Variants in TPM4 observed in about 807,000 individuals in gnomAD.
The protein encoded by TPM4 is tropomyosin alpha-4 chain.
Under a neutral mutation model 35.8 loss-of-function variants are expected in TPM4, and 17 were observed. That is an observed-to-expected ratio of 0.47 (90% CI 0.32 to 0.71). The LOEUF (loss-of-function observed/expected upper bound fraction) is 0.71, where lower values mean the gene tolerates loss of function less well. Among genes scored for constraint, TPM4 ranks in the 30% least tolerant of loss-of-function variants. TPM4 has a pLI of 0.03. For synonymous variants in TPM4, 120 were observed against 122.9 expected (o/e 0.98, Z 0.15); for missense variants, 240 against 320.9 (o/e 0.75, Z 1.93).
In TPM4 at chr19:16,069,721, C is replaced by A. The variant is rs913119311; in HGVS notation, c.114+1983C>A. Among the ~76,000 whole-genome samples, 35 of 92,370 alleles carry A rather than the reference C, an allele frequency of 3.8e-4. 1 individual carries two copies. The highest frequency in any genetic ancestry group is 1.4e-3 in the African/African-American group (35 of 24,840). The allele number at this position is 92,370 out of a possible 152,430, so 60.6% of individuals were successfully genotyped here. On this transcript the variant is annotated intron_variant, in intron 2 of 2. Coordinates refer to the TPM4 transcript ENST00000589897. ...ATAAGTGTGTGTTTTTATGGGGTTG[C>A]GTGTATGAGTGTGTTTCTATTGGGG...
chr19:16,075,615 G>A (rs568415000), upstream of TPM4: 95 of 158,926 alleles, frequency 6.0e-4, 1 homozygote, highest in Admixed American at 4.6e-3. Context: ...CTCTGACCCC[G>A]TGTTGGGGTC....
chr19:16,096,788 G>C (rs988126875), intron 7 of TPM4, among the ~76,000 whole-genome samples: 2 of 152,096 alleles, frequency 1.3e-5, no homozygotes, highest in African/African-American at 4.8e-5. Flanking sequence ...AGAATTGCCT[G>C]AGACTGCTAA....
rs2090346598 is a variant in TPM4 at position 16,070,547 on chromosome 19, G to C, written c.114+2809G>C. Among the ~76,000 whole-genome samples the C allele has an allele frequency of 6.6e-6, 1 of 152,190 alleles. No individual in the cohort carries two copies. The highest frequency in any genetic ancestry group is 2.4e-5 in the African/African-American group (1 of 41,434). On this transcript the variant is annotated intron_variant, in intron 2 of 2. Coordinates refer to the TPM4 transcript ENST00000589897. The surrounding 1 kb of genome is among the most constrained non-coding windows in gnomAD (Gnocchi z 7.4). ...CTCGGAGCTCAGACTGGCCATGTTT[G>C]AGTCATGGCTCAGTCGCTAGGTGTC... is the stretch of plus-strand genomic sequence containing the variant.
chr19:16,076,401 G>A, upstream of TPM4: 1 of 1,377,590 alleles, frequency 7.3e-7, no homozygotes, highest in Non-Finnish European at 9.3e-7. Context: ...CCGGCCGGGT[G>A]ACCTCATCGC....
At chr19:16,093,833 G>A (rs1042778318) in intron 7 of TPM4, 80 bp downstream of exon 7, 9 of 1,533,838 alleles carry the variant, frequency 5.9e-6, no homozygotes, top group East Asian at 4.5e-5. Flanking sequence ...GGGAATGTTT[G>A]TGGAGGGGCT....
At position 16,070,499 on chromosome 19, in the gene TPM4, A is replaced by G. The variant is rs1214367046; in HGVS notation, c.114+2761A>G. Among the ~76,000 whole-genome samples, 1 of 149,438 alleles carries G rather than the reference A, an allele frequency of 6.7e-6. No homozygotes were observed. The highest frequency in any genetic ancestry group is 1.9e-4 in the East Asian group (1 of 5,198). ...CCCCACCCAGGCCAGGAGCCAGGCCAGCCCGGCAGCTAAAGGCGAAAGCTC... is the reference window on the plus strand; with the variant it reads ...CCCCACCCAGGCCAGGAGCCAGGCCGGCCCGGCAGCTAAAGGCGAAAGCTC... On this transcript the variant is annotated intron_variant, in intron 2 of 2. Coordinates refer to the TPM4 transcript ENST00000589897. The surrounding 1 kb of genome is among the most constrained non-coding windows in gnomAD (Gnocchi z 7.4).
rs756786607 is a variant in TPM4, at chr19:16,086,443, A to G, written c.287A>G (p.Asn96Ser). The G allele has an allele frequency of 6.2e-7, 1 of 1,613,264 alleles. No individual in the cohort carries two copies. The highest frequency in any genetic ancestry group is 2.2e-5 in the East Asian group (1 of 44,864). The change falls in exon 3 of 8, where the codon AAC becomes AGC. Residue 96 changes from asparagine to serine, a missense_variant. Asn to Ser is a conservative substitution (Grantham distance 46, BLOSUM62 1). Transcript: ENST00000643579. ...ESERGMKVIE[N>S]RAMKDEEKME... ...TGCAGAGGAATGAAGGTGATAGAAA[A>G]CCGGGCCATGAAGGATGAGGAGAAG... is the stretch of plus-strand genomic sequence containing the variant.
At chr19:16,085,953 C>T (rs989931537) in intron 2 of TPM4, among the ~76,000 whole-genome samples, 3 of 150,894 alleles carry the variant, frequency 2.0e-5, no homozygotes, top group East Asian at 2.0e-4. Context: ...CCTATAGTCC[C>T]GGCTATGCTG....
rs748681055 is a variant in TPM4, at chr19:16,069,647, TTGG to T, written c.114+1912_114+1914del. Among the ~76,000 whole-genome samples, 54 of 147,530 alleles carry T rather than the reference TTGG, an allele frequency of 3.7e-4. 1 individual carries two copies. The highest frequency in any genetic ancestry group is 1.2e-3 in the African/African-American group (49 of 40,008). ...GTGTGTGGGTGAGTGTGTGTTTCTG[TTGG>T]TGTGTGTGTGGATGAGTGTGTGTTT... On this transcript the variant is annotated intron_variant, in intron 2 of 2. Transcript: ENST00000589897.
intron 1 of TPM4, chr19:16,076,912 G>C (rs900090195): frequency 2.0e-5 from 22 of 1,090,744 alleles, no homozygotes; most frequent in Non-Finnish European, 2.2e-5. Flanking sequence ...AGGGGAGGGG[G>C]CGCCGCCTCC....
At chr19:16,082,280 G>A (rs1318586462) in intron 2 of TPM4, among the ~76,000 whole-genome samples, 4 of 152,166 alleles carry the variant, frequency 2.6e-5, no homozygotes, top group African/African-American at 7.2e-5. Context: ...AGGCCAAGGC[G>A]GACGGATCAC....
Position 16,070,974 on chromosome 19 carries a change from TCTTA to T in TPM4, c.114+3239_114+3242del, listed in dbSNP as rs545473548. 5.0e-3 allele frequency among the ~76,000 whole-genome samples: 767 copies of T among 152,246 alleles called. 8 individuals are homozygous for T. The highest frequency in any genetic ancestry group is 9.4e-3 in the Non-Finnish European group (639 of 68,016). The stretch of plus-strand genomic sequence containing the variant: ...AGAGAAACAAGTTTATAGCACTAAT[TCTTA>T]CTAAGGTGTGAGTGGCTATCTCCCA... On this transcript the variant is annotated intron_variant, in intron 2 of 2. Coordinates refer to the TPM4 transcript ENST00000589897. This position sits in a 1 kb window ranked among gnomAD's most constrained non-coding sequence, Gnocchi z 7.4.
At position 16,070,327 on chromosome 19, in the gene TPM4, G is replaced by GT. The variant is rs1245110197; in HGVS notation, c.114+2589_114+2590insT. Among the ~76,000 whole-genome samples, 1 of 152,120 alleles carries GT rather than the reference G, an allele frequency of 6.6e-6. No homozygotes were observed. Among genetic ancestry groups the GT allele is most frequent in the Admixed American group, 6.5e-5 (1 of 15,282 alleles). The stretch of plus-strand genomic sequence containing the variant: ...GGCAGAGCAGACAGGAGCAGTGGGT[G>GT]GGAGGAAGGAAGGGAGTCCCCTCCC... On this transcript the variant is annotated intron_variant, in intron 2 of 2. Transcript: ENST00000589897. The surrounding 1 kb of genome is among the most constrained non-coding windows in gnomAD (Gnocchi z 7.4).
At position 16,070,679 on chromosome 19, in the gene TPM4, T is replaced by C. The variant is rs2090347965; in HGVS notation, c.114+2941T>C. 1.3e-5 allele frequency among the ~76,000 whole-genome samples: 2 copies of C among 152,158 alleles called. No individual in the cohort carries two copies. On this transcript the variant is annotated intron_variant, in intron 2 of 2. Coordinates refer to the TPM4 transcript ENST00000589897. The surrounding 1 kb of genome is among the most constrained non-coding windows in gnomAD (Gnocchi z 7.4). ...CAGGTGGAACCCTTGGCCCGGAGCC[T>C]AGCTCAGAGTAAGCACTCAATAAAT...
In TPM4 at chr19:16,069,882, G is replaced by A. The variant is rs116921556; in HGVS notation, c.114+2144G>A. ...CATATGGATGTGAGGGGGGCTGTGC[G>A]AACCTGTGTGTGCGTGTAGGTGACA... is the stretch of plus-strand genomic sequence containing the variant. On this transcript the variant is annotated intron_variant, in intron 2 of 2. Coordinates refer to the TPM4 transcript ENST00000589897. Among the ~76,000 whole-genome samples, 363 of 152,126 alleles carry A rather than the reference G, an allele frequency of 2.4e-3. 1 individual carries two copies. The highest frequency in any genetic ancestry group is 2.7e-3 in the African/African-American group (111 of 41,478).
At chr19:16,083,789 T>C (rs1307335872) in intron 2 of TPM4, among the ~76,000 whole-genome samples, 6 of 150,344 alleles carry the variant, frequency 4.0e-5, no homozygotes, top group Non-Finnish European at 5.9e-5. Flanking sequence ...GACAGGGTCT[T>C]ACTCTATCAC....
intron 4 of TPM4, chr19:16,088,630 G>A: frequency 9.7e-7 from 1 of 1,032,136 alleles, no homozygotes; most frequent in Non-Finnish European, 1.2e-6. Context: ...AGAGAGATCT[G>A]GTTTCACAAA....
rs1599353276 is a variant in TPM4, at chr19:16,067,587, C to T, written c.-38C>T. The T allele has an allele frequency of 6.3e-7, 1 of 1,588,140 alleles. No homozygotes were observed. Among genetic ancestry groups the T allele is most frequent in the East Asian group, 2.2e-5 (1 of 44,534 alleles). ...TGACTGCCGCAGCCCCCACAGAGCC[C>T]GCCGCGCACCCCACGTCCCCCACGC... On this transcript the variant is annotated 5_prime_UTR_variant, in exon 2 of 3. Coordinates refer to the TPM4 transcript ENST00000589897. This position sits in a 1 kb window ranked among gnomAD's most constrained non-coding sequence, Gnocchi z 4.1.
intron 1 of TPM4, among the ~76,000 whole-genome samples, chr19:16,078,885 T>C (rs1333894192): frequency 1.4e-5 from 2 of 147,208 alleles, no homozygotes; most frequent in East Asian, 2.1e-4. Context: ...GGAGCCGGCG[T>C]GTGGTAGACT....
Sources: allele counts gnomAD v4.1 joint callset (sites outside exome capture counted in the v4.1 genomes callset), GRCh38; gene constraint gnomAD v4.1.1; non-coding constraint Gnocchi (gnomAD v3.1); transcripts MANE v1.5; gene names NCBI Gene and HGNC (gene_info 2026-07-23, HGNC 2026-07-21).